The following PTGES2 variants were observed in gnomAD, a reference collection of about 807,000 sequenced individuals.
The protein encoded by PTGES2 is prostaglandin E synthase 2.
Under a neutral mutation model 44.5 loss-of-function variants are expected in PTGES2, and 35 were observed. The ratio of observed to expected loss-of-function variants is 0.79; its 90% CI spans 0.60 to 1.04. The LOEUF is 1.04. Among genes scored for constraint, PTGES2 ranks in the 50% least tolerant of loss-of-function variants. PTGES2 has a pLI of 0.00. For missense variants in PTGES2, 517 were observed against 521.4 expected (o/e 0.99, Z 0.08); for synonymous variants, 221 against 227.5 (o/e 0.97, Z 0.26).
Position 128,121,027 on chromosome 9 carries a change from TG to T in PTGES2, c.*117del. The T allele has an allele frequency of 7.5e-7, 1 of 1,327,586 alleles. No individual in the cohort carries two copies. The highest frequency in any genetic ancestry group is 1.5e-5 in the African/African-American group (1 of 67,558). 82.2% of individuals were successfully genotyped at this position (1,327,586 alleles called of 1,614,324 possible). A position where few individuals can be genotyped will look rare whatever the true frequency, so the allele number is the denominator to read the frequency against. ...AAGCGAGAGGGCTGGTGGGGGTGCG[TG>T]GACAAGGGGCAGAATGATCCTGCCC... On this transcript the variant is annotated 3_prime_UTR_variant, in exon 7 of 7. Transcript: ENST00000338961.
At chr9:128,126,234 G>A (rs181498008) in intron 1 of PTGES2, among the ~76,000 whole-genome samples, 44 of 152,326 alleles carry the variant, frequency 2.9e-4, no homozygotes, top group African/African-American at 9.6e-4. Context: ...ACCCACCTCT[G>A]TTCCCTCTGG....
At chr9:128,122,836 G>A in intron 5 of PTGES2, 98 bp downstream of exon 5, 1 of 1,330,268 alleles carries the variant, frequency 7.5e-7, no homozygotes, top group South Asian at 1.2e-5. Flanking sequence ...CTAGGCCTCG[G>A]CCTCCCGCTG....
Position 128,121,056 on chromosome 9 carries a change from A to G in PTGES2, c.*89T>C, listed in dbSNP as rs1834388944. Reference sequence around the variant, plus strand: ...CAAGGGGCAGAATGATCCTGCCCCCAACCAGTATCGCCAGGCGCTGGCCCA... The same window carrying G: ...CAAGGGGCAGAATGATCCTGCCCCCGACCAGTATCGCCAGGCGCTGGCCCA... On this transcript the variant is annotated 3_prime_UTR_variant, in exon 7 of 7. Transcript: ENST00000338961. The G allele has an allele frequency of 2.0e-6, 3 of 1,500,710 alleles. No individual in the cohort carries two copies. Among genetic ancestry groups the G allele is most frequent in the African/African-American group, 2.8e-5 (2 of 71,554 alleles). 93.0% of individuals were successfully genotyped at this position (1,500,710 alleles called of 1,614,324 possible).
chr9:128,126,493 G>A (rs1834622237), intron 1 of PTGES2, among the ~76,000 whole-genome samples: 1 of 152,120 alleles, frequency 6.6e-6, no homozygotes. Flanking sequence ...GAGAGAGGAT[G>A]ATGAACGTTT....
chr9:128,125,557 G>A (rs1834588886), intron 1 of PTGES2, 116 bp from the exon 2 acceptor site: 2 of 959,532 alleles, frequency 2.1e-6, no homozygotes, highest in Non-Finnish European at 3.1e-6. Context: ...TCGGGAAGAG[G>A]AACTAGAGAT....
Position 128,121,038 on chromosome 9 carries a change from C to CGTGGACA in PTGES2, c.*106_*107insTGTCCAC. The CGTGGACA allele has an allele frequency of 7.1e-7, 1 of 1,407,638 alleles. No individual in the cohort carries two copies. The highest frequency in any genetic ancestry group is 9.6e-7 in the Non-Finnish European group (1 of 1,037,126). 87.2% of individuals were successfully genotyped at this position (1,407,638 alleles called of 1,614,324 possible). On this transcript the variant is annotated 3_prime_UTR_variant, in exon 7 of 7. Coordinates refer to ENST00000338961, the MANE Select transcript of PTGES2 (RefSeq NM_025072.7). ...CTGGTGGGGGTGCGTGGACAAGGGG[C>CGTGGACA]AGAATGATCCTGCCCCCAACCAGTA... is the stretch of plus-strand genomic sequence containing the variant.
rs536349618 is a variant in PTGES2 at position 128,123,963 on chromosome 9, G to A, written c.537-112C>T. ...GAGCCAGGACCAACAAAGGCTCTCC[G>A]GACTCTTGCAGTAAGAGGGATTTGG... On this transcript the variant is annotated intron_variant, in intron 3 of 6. Coordinates refer to ENST00000338961, the MANE Select transcript of PTGES2 (RefSeq NM_025072.7). The surrounding 1 kb of genome is among the most constrained non-coding windows in gnomAD (Gnocchi z 4.4). 3.3e-5 allele frequency: 41 copies of A among 1,240,894 alleles called. No individual in the cohort carries two copies. Among genetic ancestry groups the A allele is most frequent in the East Asian group, 2.7e-4 (11 of 41,080 alleles). 76.9% of individuals were successfully genotyped at this position (1,240,894 alleles called of 1,614,324 possible).
chr9:128,121,770 G>A (rs528141876), intron 6 of PTGES2, among the ~76,000 whole-genome samples: 13 of 152,222 alleles, frequency 8.5e-5, no homozygotes, highest in South Asian at 6.2e-4. Flanking sequence ...AAAATTAGCC[G>A]GGCATGGTGG....
rs780628169 is a variant in PTGES2 at position 128,122,377 on chromosome 9, C to A, written c.990G>T (p.Pro330=). 6.2e-7 allele frequency: 1 copy of A among 1,613,904 alleles called. No homozygotes were observed. Among genetic ancestry groups the A allele is most frequent in the South Asian group, 1.1e-5 (1 of 91,082 alleles). The change falls in exon 6 of 7, where the codon CCG becomes CCT. Residue 330 remains proline (P), a synonymous_variant. Coordinates refer to ENST00000338961, the MANE Select transcript of PTGES2 (RefSeq NM_025072.7). ...CCACACTCACCAAATCAGCGAGATT[C>A]GGCTTCTGGCCCCCCATGAAGGGCC... The part of the protein sequence containing the change: ...KDRPFMGGQK[P]NLADLAVYGV...
rs548578253 is a variant in PTGES2, at chr9:128,127,468, C to T, written c.250G>A (p.Asp84Asn). ...HTARWHLRAQ[D>N]LHAERSAAQL... The stretch of plus-strand genomic sequence containing the variant: ...GCGGCTGAGCGCTCTGCGTGGAGGT[C>T]CTGGGCGCGCAGGTGCCACCGCGCC... Residue 84 changes from aspartate (D) to asparagine (N), a missense_variant, in exon 1 of 7, where the codon GAC (aspartate) becomes AAC (asparagine). By Grantham distance (23) the Asp-to-Asn change is conservative. Transcript: ENST00000338961. The T allele has an allele frequency of 2.1e-5, 29 of 1,401,278 alleles. No individual in the cohort carries two copies. The highest frequency in any genetic ancestry group is 2.9e-5 in the African/African-American group (2 of 67,868). The allele number at this position is 1,401,278 out of a possible 1,614,324, so 86.8% of individuals were successfully genotyped here.
In PTGES2 at chr9:128,123,937, G is replaced by A; in HGVS notation, c.537-86C>T. 2.0e-6 allele frequency: 3 copies of A among 1,509,698 alleles called. No homozygotes were observed. Among genetic ancestry groups the A allele is most frequent in the South Asian group, 2.4e-5 (2 of 82,726 alleles). The allele number at this position is 1,509,698 out of a possible 1,614,324, so 93.5% of individuals were successfully genotyped here. A position where few individuals can be genotyped will look rare whatever the true frequency, so the allele number is the denominator to read the frequency against. On this transcript the variant is annotated intron_variant, in intron 3 of 6. Coordinates refer to ENST00000338961, the MANE Select transcript of PTGES2 (RefSeq NM_025072.7). The surrounding 1 kb of genome is among the most constrained non-coding windows in gnomAD (Gnocchi z 4.4). The stretch of plus-strand genomic sequence containing the variant: ...AACCCCGCTGCCCCAGCCTCAGAGT[G>A]GAGCCAGGACCAACAAAGGCTCTCC...
chr9:128,122,511 A>T lies in PTGES2; in HGVS notation c.888-32T>A, dbSNP rs776730874. 3.8e-6 allele frequency: 6 copies of T among 1,582,348 alleles called. No individual in the cohort carries two copies. In the South Asian group the frequency reaches 6.6e-5, roughly 17 times the overall value. On this transcript the variant is annotated intron_variant, in intron 5 of 6. Coordinates refer to ENST00000338961, the MANE Select transcript of PTGES2 (RefSeq NM_025072.7). The stretch of plus-strand genomic sequence containing the variant: ...GGGGAAGGGAAAAGCCCCTCAGGGG[A>T]GCCCCCACTCCCAGCCCAGCAGGGA...
In PTGES2 at chr9:128,123,944, G is replaced by A; in HGVS notation, c.537-93C>T. On this transcript the variant is annotated intron_variant, in intron 3 of 6. Coordinates refer to ENST00000338961, the MANE Select transcript of PTGES2 (RefSeq NM_025072.7). The surrounding 1 kb of genome is among the most constrained non-coding windows in gnomAD (Gnocchi z 4.4). The stretch of plus-strand genomic sequence containing the variant: ...CTGCCCCAGCCTCAGAGTGGAGCCA[G>A]GACCAACAAAGGCTCTCCGGACTCT... The A allele has an allele frequency of 6.9e-7, 1 of 1,458,012 alleles. No homozygotes were observed. Among genetic ancestry groups the A allele is most frequent in the South Asian group, 1.2e-5 (1 of 80,294 alleles). 90.3% of individuals were successfully genotyped at this position (1,458,012 alleles called of 1,614,324 possible). A position where few individuals can be genotyped will look rare whatever the true frequency, so the allele number is the denominator to read the frequency against.
chr9:128,121,262 G>A lies in PTGES2; in HGVS notation c.1017C>T (p.Gly339=), dbSNP rs368220074. 2.9e-5 allele frequency: 47 copies of A among 1,607,124 alleles called. No homozygotes were observed. The highest frequency in any genetic ancestry group is 2.2e-5 in the East Asian group (1 of 44,670). Residue 339 remains glycine, a synonymous_variant, in exon 7 of 7, where the codon GGC becomes GGT. Coordinates refer to ENST00000338961, the MANE Select transcript of PTGES2 (RefSeq NM_025072.7). ...CCAGCCCCTCCATCACACGCAGCAC[G>A]CCATACACCGCCTGGGGCACGAACA... ...KPNLADLAVY[G]VLRVMEGLDA... is the part of the protein sequence containing the mutation.
Position 128,121,160 on chromosome 9 carries a change from G to T in PTGES2, c.1119C>A (p.Ala373=). The T allele has an allele frequency of 6.3e-7, 1 of 1,588,884 alleles. No individual in the cohort carries two copies. Among genetic ancestry groups the T allele is most frequent in the African/African-American group, 1.3e-5 (1 of 74,580 alleles). Reference sequence around the variant, plus strand: ...GCGGGGACATTCAGTGCGCTGGGGAGGCCTCGGTGATGGCCCTCTCCACCC... The same window carrying T: ...GCGGGGACATTCAGTGCGCTGGGGATGCCTCGGTGATGGCCCTCTCCACCC... ...YLRVERAITE[A]SPAH Residue 373 remains alanine (A), a synonymous_variant, in exon 7 of 7, where the codon GCC becomes GCA. Coordinates refer to ENST00000338961, the MANE Select transcript of PTGES2 (RefSeq NM_025072.7).
chr9:128,127,983 T>C (rs1181076026), upstream of PTGES2: 9 of 438,514 alleles, frequency 2.1e-5, no homozygotes, highest in Non-Finnish European at 3.2e-5. Context: ...CCCGGCCGAC[T>C]GCAGGGGGGC....
At chr9:128,128,173 T>TGCGCGGCGGC (rs201806614), upstream of PTGES2, 3,008 of 375,288 alleles carry the variant, frequency 8.0e-3, 36 homozygotes, top group East Asian at 0.037. Flanking sequence ...CGGCACCAGG[T>TGCGCGGCGGC]GTTGCGGTTC....
rs1233102061 is a variant in PTGES2 at position 128,123,077 on chromosome 9, G to A, written c.744C>T (p.Pro248=). 6.2e-7 allele frequency: 1 copy of A among 1,612,528 alleles called. No homozygotes were observed. Among genetic ancestry groups the A allele is most frequent in the Admixed American group, 1.7e-5 (1 of 59,998 alleles). ...CCTCGGTGGGCGTGCGGTACACATTGGGGGAGATCAGGTGCACCAGCCAGT... is the reference window on the plus strand; with the variant it reads ...CCTCGGTGGGCGTGCGGTACACATTAGGGGAGATCAGGTGCACCAGCCAGT... ...ADDWLVHLIS[P]NVYRTPTEAL... The change falls in exon 5 of 7, where the codon CCC becomes CCT. Residue 248 remains proline, a synonymous_variant. Coordinates refer to ENST00000338961, the MANE Select transcript of PTGES2 (RefSeq NM_025072.7). This position sits in a 1 kb window ranked among gnomAD's most constrained non-coding sequence, Gnocchi z 4.4.
rs1180901191 is a variant in PTGES2, at chr9:128,123,230, T to C, written c.687-96A>G. On this transcript the variant is annotated intron_variant, in intron 4 of 6. Transcript: ENST00000338961. This position sits in a 1 kb window ranked among gnomAD's most constrained non-coding sequence, Gnocchi z 4.4. ...CATACCCACTGCACGGGCGGGAAGC[T>C]GAAGCCTGAGCAGGAAGGTCTTTTT... The C allele has an allele frequency of 1.7e-6, 2 of 1,192,540 alleles. No individual in the cohort carries two copies. Among genetic ancestry groups the C allele is most frequent in the African/African-American group, 3.1e-5 (2 of 64,366 alleles). 73.9% of individuals were successfully genotyped at this position (1,192,540 alleles called of 1,614,324 possible). A position where few individuals can be genotyped will look rare whatever the true frequency, so the allele number is the denominator to read the frequency against.
Sources: allele counts gnomAD v4.1 joint callset (sites outside exome capture counted in the v4.1 genomes callset), GRCh38; gene constraint gnomAD v4.1.1; non-coding constraint Gnocchi (gnomAD v3.1); transcripts MANE v1.5; gene names NCBI Gene and HGNC (gene_info 2026-07-23, HGNC 2026-07-21).